Variants in RSPO2 observed in about 807,000 individuals in gnomAD.
RSPO2 encodes the protein R-spondin-2.
Under a neutral mutation model 30.9 loss-of-function variants are expected in RSPO2, and 14 were observed. The observed-to-expected ratio is 0.45, with a 90% CI of 0.30 to 0.71. RSPO2 has a LOEUF of 0.71. Ranked by LOEUF, RSPO2 falls within the 30% of genes least tolerant of loss-of-function variation. The probability of loss-of-function intolerance (pLI) is 0.08; values close to 1 mark genes in which losing one functional copy is unlikely to be tolerated. For missense variants in RSPO2, 264 were observed against 301.9 expected, an observed-to-expected ratio of 0.87 and a Z score of 0.93; for synonymous variants, 107 against 96.4, an observed-to-expected ratio of 1.11 and a Z score of -0.64.
intron 2 of RSPO2, among the ~76,000 whole-genome samples, chr8:108,022,921 C>CAAAAAAAAAAAAAAAAAAAA (rs35195076): frequency 1.1e-5 from 1 of 93,988 alleles, no homozygotes; most frequent in African/African-American, 4.2e-5. Flanking sequence ...ACAAAACTGT[C>CAAAAAAAAAAAAAAAAAAAA]AAAAAAAAAA....
intron 3 of RSPO2, among the ~76,000 whole-genome samples, chr8:107,968,276 A>G (rs1018773036): frequency 6.6e-6 from 1 of 152,180 alleles, no homozygotes; most frequent in Non-Finnish European, 1.5e-5. Context: ...ATAAAACTAG[A>G]ATGAAATCCT....
chr8:107,936,529 A>G (rs534639414), intron 5 of RSPO2, among the ~76,000 whole-genome samples: 2 of 151,892 alleles, frequency 1.3e-5, no homozygotes, highest in South Asian at 4.2e-4. Context: ...TTTTTTGAGA[A>G]CTCTCCATAC....
At chr8:108,028,557 A>C (rs888083554) in intron 2 of RSPO2, among the ~76,000 whole-genome samples, 1 of 152,060 alleles carries the variant, frequency 6.6e-6, no homozygotes, top group Non-Finnish European at 1.5e-5. Context: ...CTGTGTGGGA[A>C]CTTTGGAACA....
At position 107,996,082 on chromosome 8, in the gene RSPO2, C is replaced by T. The variant is rs114278229; in HGVS notation, c.95-6838G>A. Among the ~76,000 whole-genome samples the T allele has an allele frequency of 5.2e-3, 795 of 152,058 alleles. 6 individuals carry two copies. Among genetic ancestry groups the T allele is most frequent in the African/African-American group, 0.017 (703 of 41,476 alleles). ...GTGAGGTTCAAAAAAATTAGGATAT[C>T]GTTTAACTTCTCTGTGCCAGAAAGG... On this transcript the variant is annotated intron_variant, in intron 2 of 5. Coordinates refer to ENST00000276659, the MANE Select transcript of RSPO2 (RefSeq NM_178565.5).
intron 2 of RSPO2, among the ~76,000 whole-genome samples, chr8:108,064,591 C>T (rs1812598247): frequency 6.6e-6 from 1 of 152,166 alleles, no homozygotes; most frequent in Non-Finnish European, 1.5e-5. Context: ...TAAACTAGTT[C>T]AACCATTGTG....
chr8:108,003,311 A>ATT (rs869040336), intron 2 of RSPO2, among the ~76,000 whole-genome samples: 45 of 29,012 alleles, frequency 1.6e-3, no homozygotes, highest in East Asian at 0.01. Flanking sequence ...ATATATATAT[A>ATT]TTTTTTTTTT....
intron 2 of RSPO2, among the ~76,000 whole-genome samples, chr8:108,058,386 G>T (rs62535506): frequency 6.6e-6 from 1 of 152,142 alleles, no homozygotes; most frequent in African/African-American, 2.4e-5. Context: ...ATACTCATGG[G>T]TAGGAAGAAT....
chr8:108,060,898 G>C (rs1184436652), intron 2 of RSPO2, among the ~76,000 whole-genome samples: 2 of 151,550 alleles, frequency 1.3e-5, no homozygotes, highest in Non-Finnish European at 2.9e-5. Flanking sequence ...TTAAAGAAAA[G>C]AATTTTCAAC....
At chr8:108,062,390 C>T (rs1022246616) in intron 2 of RSPO2, among the ~76,000 whole-genome samples, 4 of 151,846 alleles carry the variant, frequency 2.6e-5, no homozygotes, top group African/African-American at 9.7e-5. Flanking sequence ...AGACTACCAT[C>T]AGAGAATACT....
At position 107,965,675 on chromosome 8, in the gene RSPO2, T is replaced by C. The variant is rs551310456; in HGVS notation, c.284-4858A>G. On this transcript the variant is annotated intron_variant, in intron 3 of 5. Coordinates refer to ENST00000276659, the MANE Select transcript of RSPO2 (RefSeq NM_178565.5). ...TTCCAATCTGTGAATTCCCCATTCC[T>C]AACACAGTATTGGAAACATGGTGGA... Among the ~76,000 whole-genome samples, 310 of 152,252 alleles carry C rather than the reference T, an allele frequency of 2.0e-3. 2 individuals carry two copies. Among genetic ancestry groups the C allele is most frequent in the African/African-American group, 7.1e-3 (297 of 41,552 alleles).
At chr8:107,950,115 C>T (rs1336729785) in intron 5 of RSPO2, among the ~76,000 whole-genome samples, 1 of 144,564 alleles carries the variant, frequency 6.9e-6, no homozygotes, top group Non-Finnish European at 1.5e-5. Flanking sequence ...TTCCTCAATT[C>T]CATAAGTCCT....
intron 5 of RSPO2, among the ~76,000 whole-genome samples, chr8:107,902,298 A>G (rs1811502147): frequency 6.6e-6 from 1 of 152,078 alleles, no homozygotes; most frequent in Admixed American, 6.5e-5. Context: ...CCCTACTTCA[A>G]ATTTTATCTT....
intron 2 of RSPO2, among the ~76,000 whole-genome samples, chr8:108,045,637 G>A (rs969434292): frequency 6.6e-6 from 1 of 152,024 alleles, no homozygotes. Context: ...CAACATTTTT[G>A]TTGGGAGGGC....
chr8:107,994,056 A>G (rs895620048), intron 2 of RSPO2, among the ~76,000 whole-genome samples: 1 of 152,084 alleles, frequency 6.6e-6, no homozygotes, highest in African/African-American at 2.4e-5. Flanking sequence ...TGGGGTGAAT[A>G]TTGGAGAAAA....
intron 2 of RSPO2, among the ~76,000 whole-genome samples, chr8:108,050,264 T>C (rs957561288): frequency 6.6e-6 from 1 of 152,178 alleles, no homozygotes; most frequent in Non-Finnish European, 1.5e-5. Flanking sequence ...TGAAAGTAAG[T>C]TGCTGGAATA....
intron 5 of RSPO2, among the ~76,000 whole-genome samples, chr8:107,936,240 C>T (rs1812719019): frequency 6.6e-6 from 1 of 152,002 alleles, no homozygotes; most frequent in African/African-American, 2.4e-5. Context: ...ACATAATGAC[C>T]TCCAGTTTTA....
intron 5 of RSPO2, among the ~76,000 whole-genome samples, chr8:107,924,284 G>A (rs1812284160): frequency 6.6e-6 from 1 of 151,900 alleles, no homozygotes; most frequent in African/African-American, 2.4e-5. Flanking sequence ...TGAACATATG[G>A]ATAAATCAAA....
At position 107,924,914 on chromosome 8, in the gene RSPO2, A is replaced by G. The variant is rs143191148; in HGVS notation, c.617-23724T>C. 3.0e-3 allele frequency among the ~76,000 whole-genome samples: 455 copies of G among 152,156 alleles called. 2 individuals are homozygous for G. Among genetic ancestry groups the G allele is most frequent in the Middle Eastern group, 0.014 (4 of 294 alleles). ...TGCAAAAAAAATGAAAGCTTTTAGC[A>G]CAAAATACAGGAGAATACAGAGGTA... On this transcript the variant is annotated intron_variant, in intron 5 of 5. Coordinates refer to ENST00000276659, the MANE Select transcript of RSPO2 (RefSeq NM_178565.5).
rs143546036 is a variant in RSPO2 at position 107,978,194 on chromosome 8, G to A, written c.283+10862C>T. Among the ~76,000 whole-genome samples the A allele has an allele frequency of 9.3e-3, 1,416 of 152,258 alleles. 19 individuals carry two copies. Among genetic ancestry groups the A allele is most frequent in the African/African-American group, 0.031 (1,268 of 41,550 alleles). The stretch of plus-strand genomic sequence containing the variant: ...TGTAATCCCAGCACTTTGGGAAGCC[G>A]AGGCGGGCAGATCACCCCAGGTCAG... On this transcript the variant is annotated intron_variant, in intron 3 of 5. Transcript: ENST00000276659.
Sources: gnomAD v4.1 joint callset for allele counts (sites outside exome capture counted in the v4.1 genomes callset) on GRCh38, gnomAD v4.1.1 for gene constraint, MANE v1.5 for transcripts, NCBI Gene and HGNC (gene_info 2026-07-23, HGNC 2026-07-21) for gene names.